The following FLVCR2 variants were observed in gnomAD, a reference collection of about 807,000 sequenced individuals.
FLVCR2 encodes the protein choline/ethanolamine transporter FLVCR2.
A neutral mutation model predicts 48.9 loss-of-function variants in FLVCR2; 38 were observed. That is an observed-to-expected ratio of 0.78 (90% CI 0.60 to 1.02). FLVCR2 has a LOEUF of 1.02. Among genes scored for constraint, FLVCR2 ranks in the 50% least tolerant of loss-of-function variants. The pLI, the probability that FLVCR2 is intolerant of heterozygous loss-of-function variation, is 0.00. For synonymous variants in FLVCR2, 255 were observed against 257.0 expected, an observed-to-expected ratio of 0.99 and a Z score of 0.07; for missense variants, 664 against 663.3, an observed-to-expected ratio of 1.00 and a Z score of -0.01.
chr14:75,637,683 C>T (rs565660107), intron 5 of FLVCR2, among the ~76,000 whole-genome samples: 4 of 147,814 alleles, frequency 2.7e-5, no homozygotes, highest in East Asian at 2.0e-4. Flanking sequence ...GAGCAGAGAT[C>T]GTGCCACTGC....
intron 9 of FLVCR2, among the ~76,000 whole-genome samples, chr14:75,643,668 T>G (rs984218725): frequency 1.1e-4 from 16 of 152,180 alleles, no homozygotes; most frequent in African/African-American, 3.9e-4. Flanking sequence ...GGAAATTCAC[T>G]GGGGAGACAG....
chr14:75,589,680 C>A (rs540656244), intron 1 of FLVCR2, among the ~76,000 whole-genome samples: 12 of 152,342 alleles, frequency 7.9e-5, no homozygotes, highest in African/African-American at 2.6e-4. Flanking sequence ...TCTGCCTGAG[C>A]CCCCAAGCTG....
Position 75,639,480 on chromosome 14 carries a change from C to A in FLVCR2, c.1235+18C>A. 1 of 1,521,910 alleles carries A rather than the reference C, an allele frequency of 6.6e-7. No individual in the cohort carries two copies. Among genetic ancestry groups the A allele is most frequent in the Non-Finnish European group, 9.1e-7 (1 of 1,096,174 alleles). The allele number at this position is 1,521,910 out of a possible 1,614,324, so 94.3% of individuals were successfully genotyped here. The stretch of plus-strand genomic sequence containing the variant: ...ACAATGGGGTAAGTTTCACCTCTGG[C>A]TGATTTATTAGAAAATACCATGCCA... On this transcript the variant is annotated intron_variant, in intron 6 of 9. Coordinates refer to ENST00000238667, the MANE Select transcript of FLVCR2 (RefSeq NM_017791.3).
At chr14:75,637,745 AGAAAG>A (rs1890203873) in intron 5 of FLVCR2, among the ~76,000 whole-genome samples, 1 of 148,782 alleles carries the variant, frequency 6.7e-6, no homozygotes, top group Non-Finnish European at 1.5e-5. Flanking sequence ...AAAAAAAAAA[AGAAAG>A]AAAAGAAAAG....
chr14:75,617,755 C>A (rs183780918), intron 1 of FLVCR2, among the ~76,000 whole-genome samples: 13 of 152,280 alleles, frequency 8.5e-5, no homozygotes, highest in African/African-American at 3.1e-4. Flanking sequence ...GAGCCCTGCC[C>A]TCATGGAGCT....
intron 5 of FLVCR2, among the ~76,000 whole-genome samples, chr14:75,638,827 T>C (rs1406842494): frequency 5.3e-5 from 8 of 152,252 alleles, no homozygotes; most frequent in Admixed American, 5.2e-4. Flanking sequence ...CTTTGTAGCA[T>C]TGATCATGAT....
At chr14:75,618,405 A>G (rs905836049) in intron 1 of FLVCR2, among the ~76,000 whole-genome samples, 1 of 152,228 alleles carries the variant, frequency 6.6e-6, no homozygotes, top group Non-Finnish European at 1.5e-5. Flanking sequence ...GTAAAAATGA[A>G]GAGAGCCTAA....
chr14:75,643,942 C>T (rs561208072), intron 9 of FLVCR2, among the ~76,000 whole-genome samples: 3 of 151,814 alleles, frequency 2.0e-5, no homozygotes, highest in Non-Finnish European at 2.9e-5. Flanking sequence ...TAGTGTCGCA[C>T]GCTTGTAATC....
At chr14:75,602,796 A>G (rs1355811252) in intron 1 of FLVCR2, among the ~76,000 whole-genome samples, 1 of 152,180 alleles carries the variant, frequency 6.6e-6, no homozygotes. Flanking sequence ...ACGCTGCTGA[A>G]CTATACAGTT....
At chr14:75,603,574 T>C (rs1443544659) in intron 1 of FLVCR2, among the ~76,000 whole-genome samples, 1 of 152,156 alleles carries the variant, frequency 6.6e-6, no homozygotes, top group African/African-American at 2.4e-5. Flanking sequence ...GGATGCCAGG[T>C]AAGAGCTCAG....
intron 2 of FLVCR2, among the ~76,000 whole-genome samples, chr14:75,624,159 T>G (rs1889834058): frequency 6.6e-6 from 1 of 151,594 alleles, no homozygotes; most frequent in African/African-American, 2.4e-5. Context: ...CTCAGAAGTT[T>G]GAGACCAGCC....
At chr14:75,585,157 C>G (rs577502630) in intron 1 of FLVCR2, among the ~76,000 whole-genome samples, 7 of 151,954 alleles carry the variant, frequency 4.6e-5, no homozygotes, top group Non-Finnish European at 1.0e-4. Flanking sequence ...AGACTCAGAG[C>G]TTGGGGTGAG....
chr14:75,622,030 A>G, intron 1 of FLVCR2, 49 bp from the exon 2 acceptor site: 1 of 1,599,636 alleles, frequency 6.3e-7, no homozygotes, highest in Non-Finnish European at 8.6e-7. Flanking sequence ...TTGTGTTGTC[A>G]CCTCTTGGCC....
In FLVCR2 at chr14:75,646,583, T is replaced by A; in HGVS notation, c.*111T>A. On this transcript the variant is annotated 3_prime_UTR_variant, in exon 10 of 10. Coordinates refer to ENST00000238667, the MANE Select transcript of FLVCR2 (RefSeq NM_017791.3). Reference sequence around the variant, plus strand: ...TAGAGATGTTTTTGGAGGGAATCAGTGGGACTATTTGTGGCATGGATGGCC... The same window carrying A: ...TAGAGATGTTTTTGGAGGGAATCAGAGGGACTATTTGTGGCATGGATGGCC... 1.3e-6 allele frequency: 1 copy of A among 781,154 alleles called. No homozygotes were observed. 48.4% of individuals were successfully genotyped at this position (781,154 alleles called of 1,614,324 possible).
rs1889783774 is a variant in FLVCR2, at chr14:75,622,173, A to G, written c.764A>G (p.Tyr255Cys). ...GCCTACCACATCAGCATCATGTTCT[A>G]TATAATAGGAGGTGTGGCCACTCTC... ...ELAYHISIMF[Y>C]IIGGVATLLL... The change falls in exon 2 of 10, where the codon TAT becomes TGT. Residue 255 changes from tyrosine to cysteine, a missense_variant. By Grantham distance (194) the Tyr-to-Cys change is radical. Coordinates refer to ENST00000238667, the MANE Select transcript of FLVCR2 (RefSeq NM_017791.3). 1 of 1,613,928 alleles carries G rather than the reference A, an allele frequency of 6.2e-7. No individual in the cohort carries two copies.
chr14:75,630,392 C>T lies in FLVCR2; in HGVS notation c.953-3237C>T, dbSNP rs532530259. ...AGGCCATGTATTCTCAAATTCCAGA[C>T]ATTTTAACAAGTGCATTGGGGTTTT... On this transcript the variant is annotated intron_variant, in intron 3 of 9. Coordinates refer to ENST00000238667, the MANE Select transcript of FLVCR2 (RefSeq NM_017791.3). Among the ~76,000 whole-genome samples the T allele has an allele frequency of 1.2e-4, 18 of 152,236 alleles. 1 individual carries two copies. In the South Asian group the frequency reaches 3.3e-3, roughly 28 times the overall value.
At chr14:75,605,501 T>A in intron 1 of FLVCR2, 1 of 1,528,804 alleles carries the variant, frequency 6.5e-7, no homozygotes, top group Non-Finnish European at 8.8e-7. Context: ...TCTTTCCTTT[T>A]TCATGCTGTG....
intron 1 of FLVCR2, among the ~76,000 whole-genome samples, chr14:75,589,346 T>A (rs974680204): frequency 6.6e-6 from 1 of 152,166 alleles, no homozygotes; most frequent in East Asian, 1.9e-4. Context: ...TGGTCCCAAT[T>A]AAGTCCAAAA....
intron 1 of FLVCR2, among the ~76,000 whole-genome samples, chr14:75,611,231 C>T (rs191587228): frequency 5.6e-4 from 85 of 152,276 alleles, no homozygotes; most frequent in Non-Finnish European, 1.0e-3. Flanking sequence ...TTGCTTCCTC[C>T]GACAGCTACA....
Sources: gnomAD v4.1 joint callset for allele counts (sites outside exome capture counted in the v4.1 genomes callset) on GRCh38, gnomAD v4.1.1 for gene constraint, MANE v1.5 for transcripts, NCBI Gene and HGNC (gene_info 2026-07-23, HGNC 2026-07-21) for gene names.